Variants in NOP9 observed in about 807,000 individuals in gnomAD.
NOP9 encodes the protein NOP9 nucleolar protein, also known as nucleolar protein 9.
Under a neutral mutation model 63.0 loss-of-function variants are expected in NOP9, and 50 were observed. That is an observed-to-expected ratio of 0.79 (90% confidence interval 0.63 to 1.00). The LOEUF (loss-of-function observed/expected upper bound fraction) is 1.00. Ranked by LOEUF, NOP9 falls within the 50% of genes least tolerant of loss-of-function variation. NOP9 has a pLI of 0.00. For missense variants in NOP9, 758 were observed against 803.0 expected (o/e 0.94, Z 0.68); for synonymous variants, 343 against 332.8 (o/e 1.03, Z -0.33).
At chr14:24,273,685 GT>G in the NOP9 span, among the ~76,000 whole-genome samples, 1 of 152,252 alleles carries the variant, frequency 6.6e-6, no homozygotes, top group Non-Finnish European at 1.5e-5. Flanking sequence ...TGTGATGGGA[GT>G]TTTGCATACA....
the NOP9 span, among the ~76,000 whole-genome samples, chr14:24,278,507 C>A: frequency 6.6e-6 from 1 of 152,274 alleles, no homozygotes; most frequent in South Asian, 2.1e-4. Context: ...GGGAGGAATA[C>A]TGGATGATGG....
chr14:24,291,242 A>C, the NOP9 span: 4 of 1,612,520 alleles, frequency 2.5e-6, no homozygotes, highest in Non-Finnish European at 2.5e-6. Flanking sequence ...AGACAGGTGG[A>C]GATGGCAGGC....
At position 24,299,890 on chromosome 14, in the gene NOP9, G is replaced by A; in HGVS notation, c.-65G>A. 1.3e-6 allele frequency: 2 copies of A among 1,491,864 alleles called. No homozygotes were observed. The highest frequency in any genetic ancestry group is 2.5e-4 in the Middle Eastern group (1 of 3,926). 92.4% of individuals were successfully genotyped at this position (1,491,864 alleles called of 1,614,324 possible). A position where few individuals can be genotyped will look rare whatever the true frequency, so the allele number is the denominator to read the frequency against. ...CTTTGTCTGGATAAGGCGCACGCTT[G>A]GCGACGTCGAAGGTCCGTCCGCAGT... is the stretch of plus-strand genomic sequence containing the variant. On this transcript the variant is annotated 5_prime_UTR_variant, in exon 1 of 10. Coordinates refer to ENST00000267425, the MANE Select transcript of NOP9 (RefSeq NM_174913.3).
the NOP9 span, chr14:24,290,949 G>T: frequency 6.2e-7 from 1 of 1,614,132 alleles, no homozygotes; most frequent in South Asian, 1.1e-5. Flanking sequence ...GGCCGGACAC[G>T]TGTGAGAGAA....
In NOP9 at chr14:24,307,474, C is replaced by T. The variant is rs765280407; in HGVS notation, c.*2379C>T. 1 of 1,614,012 alleles carries T rather than the reference C, an allele frequency of 6.2e-7. No homozygotes were observed. The highest frequency in any genetic ancestry group is 8.5e-7 in the Non-Finnish European group (1 of 1,180,024). ...TCGCTGGGGTGGTGGAGCTGAGGTC[C>T]AGACCCTCCGTCCAAACTCCGAGCT... On this transcript the variant is annotated 3_prime_UTR_variant, in exon 10 of 10. Transcript: ENST00000267425.
upstream of NOP9, chr14:24,298,932 CT>C (rs778710187): frequency 1.5e-4 from 243 of 1,587,400 alleles, no homozygotes; most frequent in Admixed American, 2.0e-4. Context: ...GTTTCTGCAA[CT>C]GTGGTCCCAG....
chr14:24,289,661 C>T, the NOP9 span, among the ~76,000 whole-genome samples: 1 of 152,238 alleles, frequency 6.6e-6, no homozygotes, highest in Admixed American at 6.5e-5. Context: ...CTATACCAGT[C>T]ACGTACTGAT....
rs1032207779 is a variant in NOP9, at chr14:24,305,474, G to A, written c.*379G>A. 7 of 846,848 alleles carry A rather than the reference G, an allele frequency of 8.3e-6. No homozygotes were observed. Among genetic ancestry groups the A allele is most frequent in the South Asian group, 3.6e-5 (2 of 55,758 alleles). The allele number at this position is 846,848 out of a possible 1,614,324, so 52.5% of individuals were successfully genotyped here. A position where few individuals can be genotyped will look rare whatever the true frequency, so the allele number is the denominator to read the frequency against. ...AGGGTATAGACTTGGGATGTGAGGC[G>A]TTATGCTGAAAGGTTCTGTCACGAG... On this transcript the variant is annotated 3_prime_UTR_variant, in exon 10 of 10. Transcript: ENST00000267425.
At chr14:24,296,670 G>C, upstream of NOP9, 1 of 1,613,562 alleles carries the variant, frequency 6.2e-7, no homozygotes, top group Non-Finnish European at 8.5e-7. Context: ...CAATGAGTGG[G>C]GATGAAGATG....
Position 24,306,267 on chromosome 14 carries a change from C to G in NOP9, c.*1172C>G, listed in dbSNP as rs913214628. 6.5e-7 allele frequency: 1 copy of G among 1,545,856 alleles called. No individual in the cohort carries two copies. The highest frequency in any genetic ancestry group is 1.2e-5 in the South Asian group (1 of 85,408). ...CTGTGTGACATCCTTGACAATTCCACAACTCCTCCTGCACCTGGTCCCCAG... is the reference window on the plus strand; with the variant it reads ...CTGTGTGACATCCTTGACAATTCCAGAACTCCTCCTGCACCTGGTCCCCAG... On this transcript the variant is annotated 3_prime_UTR_variant, in exon 10 of 10. Coordinates refer to ENST00000267425, the MANE Select transcript of NOP9 (RefSeq NM_174913.3).
chr14:24,301,914 A>G (rs1196651415), intron 3 of NOP9, 51 bp from the exon 4 acceptor site: 2 of 1,580,848 alleles, frequency 1.3e-6, no homozygotes, highest in East Asian at 2.2e-5. Context: ...GAGGTTACGC[A>G]GGTTGTCTGG....
At chr14:24,301,800 C>T (rs2041381874) in intron 3 of NOP9, 78 bp downstream of exon 3, 7 of 1,527,540 alleles carry the variant, frequency 4.6e-6, no homozygotes, top group Non-Finnish European at 1.8e-6. Flanking sequence ...GCCCTTACCT[C>T]AGGTTATTCC....
chr14:24,292,182 A>G, the NOP9 span: 36 of 1,613,728 alleles, frequency 2.2e-5, no homozygotes, highest in Non-Finnish European at 2.9e-5. Context: ...CCCCTTGCCA[A>G]CCTGCTTCAA....
the NOP9 span, among the ~76,000 whole-genome samples, chr14:24,279,285 C>T: frequency 6.6e-5 from 10 of 152,338 alleles, no homozygotes; most frequent in East Asian, 1.9e-3. Context: ...GCCCATTCCC[C>T]ACAACTGACC....
Position 24,304,918 on chromosome 14 carries a change from A to G in NOP9, c.1754-20A>G, listed in dbSNP as rs1158313858. On this transcript the variant is annotated intron_variant, in intron 9 of 9. Transcript: ENST00000267425. Reference sequence around the variant, plus strand: ...GTCTTTGAGCATGGTAGTACTAAACATGAGTGGTTCCCTTTGCAGGGGAGC... The same window carrying G: ...GTCTTTGAGCATGGTAGTACTAAACGTGAGTGGTTCCCTTTGCAGGGGAGC... 2 of 1,513,918 alleles carry G rather than the reference A, an allele frequency of 1.3e-6. No homozygotes were observed. Among genetic ancestry groups the G allele is most frequent in the Admixed American group, 4.6e-5 (2 of 43,026 alleles). 93.8% of individuals were successfully genotyped at this position (1,513,918 alleles called of 1,614,324 possible).
At chr14:24,288,980 A>AT in the NOP9 span, among the ~76,000 whole-genome samples, 256 of 144,114 alleles carry the variant, frequency 1.8e-3, no homozygotes, top group African/African-American at 4.3e-3. Flanking sequence ...CGCCCAGCTA[A>AT]TTTTTTTTTT....
chr14:24,288,548 C>A, the NOP9 span, among the ~76,000 whole-genome samples: 1 of 152,090 alleles, frequency 6.6e-6, no homozygotes, highest in South Asian at 2.1e-4. Flanking sequence ...TGGGGTTTCA[C>A]CATGTTGGCC....
the NOP9 span, among the ~76,000 whole-genome samples, chr14:24,286,516 T>G: frequency 6.6e-6 from 1 of 152,338 alleles, no homozygotes; most frequent in Admixed American, 6.5e-5. Flanking sequence ...AGATCCCTCT[T>G]GAATTTTCTT....
At position 24,305,671 on chromosome 14, in the gene NOP9, C is replaced by T. The variant is rs138992080; in HGVS notation, c.*576C>T. 659 of 1,614,208 alleles carry T rather than the reference C, an allele frequency of 4.1e-4. 1 individual carries two copies. In the Middle Eastern group the frequency reaches 5.1e-3, roughly 13 times the overall value. On this transcript the variant is annotated 3_prime_UTR_variant, in exon 10 of 10. Coordinates refer to ENST00000267425, the MANE Select transcript of NOP9 (RefSeq NM_174913.3). ...AGGCGGCCCTTCTGCTGCCACTGCT[C>T]AGCCCCCTCCACTGCATGACGAAGG...
Sources: allele counts gnomAD v4.1 joint callset (sites outside exome capture counted in the v4.1 genomes callset), GRCh38; gene constraint gnomAD v4.1.1; transcripts MANE v1.5; gene names NCBI Gene and HGNC (gene_info 2026-07-23, HGNC 2026-07-21).